Variants in GAS2L3 observed in about 807,000 individuals in gnomAD.
The protein encoded by GAS2L3 is GAS2-like protein 3.
GAS2L3 carries 28 observed loss-of-function variants against 37.0 expected under a neutral mutation model. The observed-to-expected ratio is 0.76, with a 90% CI of 0.56 to 1.04. GAS2L3 has a LOEUF of 1.04. GAS2L3 is among the 50% of genes least tolerant of loss of function. The probability of loss-of-function intolerance (pLI) is 0.00; values close to 1 mark genes in which losing one functional copy is unlikely to be tolerated. For synonymous variants in GAS2L3, 290 were observed against 296.6 expected (o/e 0.98, Z 0.23); for missense variants, 793 against 817.6 (o/e 0.97, Z 0.37).
intron 8 of GAS2L3, 86 bp from the exon 9 acceptor site, chr12:100,622,189 G>C: frequency 1.5e-6 from 1 of 652,656 alleles, no homozygotes; most frequent in Non-Finnish European, 2.6e-6. Flanking sequence ...TTTGAGTTTG[G>C]TTTTCCTTAG....
At chr12:100,589,528 C>A (rs560506755) in intron 1 of GAS2L3, among the ~76,000 whole-genome samples, 6 of 152,164 alleles carry the variant, frequency 3.9e-5, no homozygotes, top group Admixed American at 6.5e-5. Context: ...AACACAATCC[C>A]CATCGAAATA....
intron 3 of GAS2L3, among the ~76,000 whole-genome samples, chr12:100,597,708 T>C (rs574943207): frequency 6.6e-6 from 1 of 152,064 alleles, no homozygotes; most frequent in African/African-American, 2.4e-5. Context: ...TGCCTTGGGG[T>C]TAAAAACAAA....
intron 1 of GAS2L3, chr12:100,578,962 T>C: frequency 1.1e-6 from 1 of 900,992 alleles, no homozygotes; most frequent in Non-Finnish European, 1.8e-6. Context: ...TCATCCATGC[T>C]TATGGAAATC....
chr12:100,599,665 T>G (rs1955959759), intron 3 of GAS2L3, among the ~76,000 whole-genome samples: 1 of 108,852 alleles, frequency 9.2e-6, no homozygotes, highest in Non-Finnish European at 2.0e-5. Flanking sequence ...CATTCATTTA[T>G]TCATTCATTC....
At chr12:100,619,657 GTCAATA>G (rs1298011467) in intron 8 of GAS2L3, among the ~76,000 whole-genome samples, 4 of 151,746 alleles carry the variant, frequency 2.6e-5, no homozygotes, top group Admixed American at 2.0e-4. Flanking sequence ...TATAATGATT[GTCAATA>G]TCAATATGGG....
At chr12:100,614,518 T>C (rs773818883) in intron 6 of GAS2L3, among the ~76,000 whole-genome samples, 3 of 152,200 alleles carry the variant, frequency 2.0e-5, no homozygotes, top group Non-Finnish European at 4.4e-5. Context: ...TAGGTTTCTT[T>C]TGTAGTAGCA....
chr12:100,576,491 G>C (rs892639882), intron 1 of GAS2L3, among the ~76,000 whole-genome samples: 1 of 152,130 alleles, frequency 6.6e-6, no homozygotes, highest in African/African-American at 2.4e-5. Context: ...AATGGACATA[G>C]AATGATATTA....
chr12:100,617,689 A>ATATGTTTTTAC (rs2136558700), intron 6 of GAS2L3, 55 bp from the exon 7 acceptor site: 1 of 1,048,702 alleles, frequency 9.5e-7, no homozygotes, highest in South Asian at 1.3e-5. Context: ...CATGCCAGAA[A>ATATGTTTTTAC]TATGTTTCCA....
At chr12:100,582,387 T>G (rs1246268433) in intron 1 of GAS2L3, among the ~76,000 whole-genome samples, 1 of 152,230 alleles carries the variant, frequency 6.6e-6, no homozygotes, top group East Asian at 1.9e-4. Flanking sequence ...GTTCTTCAGT[T>G]GCTTCAGGCC....
intron 8 of GAS2L3, among the ~76,000 whole-genome samples, chr12:100,621,601 A>G (rs1956252231): frequency 6.6e-6 from 1 of 152,002 alleles, no homozygotes; most frequent in Admixed American, 6.6e-5. Context: ...GAATAGATGT[A>G]AATATGTTTC....
rs878963627 is a variant in GAS2L3, at chr12:100,579,786, G to C, written c.-152+6001G>C. The C allele has an allele frequency of 1.5e-5, 11 of 717,886 alleles. No individual in the cohort carries two copies. In the South Asian group the frequency reaches 1.8e-4, roughly 11 times the overall value. 44.5% of individuals were successfully genotyped at this position (717,886 alleles called of 1,614,324 possible). ...TCCGGAAAATCTTACTATTTTATGA[G>C]AAACTTCAGTAAAATCTTTGTGTGA... On this transcript the variant is annotated intron_variant, in intron 1 of 9. Transcript: ENST00000547754.
intron 7 of GAS2L3, among the ~76,000 whole-genome samples, chr12:100,618,122 G>A (rs989855142): frequency 1.3e-5 from 2 of 152,102 alleles, no homozygotes; most frequent in African/African-American, 4.8e-5. Flanking sequence ...AACACAGAGA[G>A]GATCTGGCAG....
chr12:100,608,743 C>T (rs1175272131), intron 5 of GAS2L3, among the ~76,000 whole-genome samples: 1 of 152,028 alleles, frequency 6.6e-6, no homozygotes, highest in African/African-American at 2.4e-5. Context: ...GATCTCCTGA[C>T]CTCGTGATCC....
At chr12:100,580,540 T>A (rs548917777) in intron 1 of GAS2L3, among the ~76,000 whole-genome samples, 1 of 152,184 alleles carries the variant, frequency 6.6e-6, no homozygotes, top group African/African-American at 2.4e-5. Context: ...TTCTGGGCAT[T>A]TTTTTGGCCA....
At chr12:100,579,865 A>T in intron 1 of GAS2L3, 3 of 747,360 alleles carry the variant, frequency 4.0e-6, no homozygotes, top group Non-Finnish European at 7.4e-6. Context: ...CTGGCTCCAG[A>T]AAATATCCGT....
intron 1 of GAS2L3, among the ~76,000 whole-genome samples, chr12:100,590,610 C>T (rs1306806299): frequency 6.6e-6 from 1 of 152,152 alleles, no homozygotes; most frequent in African/African-American, 2.4e-5. Context: ...AAGATACTTG[C>T]ACATGCATGT....
intron 5 of GAS2L3, among the ~76,000 whole-genome samples, chr12:100,608,953 A>G (rs933538709): frequency 6.6e-6 from 1 of 152,196 alleles, no homozygotes; most frequent in African/African-American, 2.4e-5. Flanking sequence ...TACTACCACC[A>G]CTGGCCCATG....
chr12:100,579,318 C>T (rs1268734789), intron 1 of GAS2L3: 8 of 655,120 alleles, frequency 1.2e-5, no homozygotes, highest in Non-Finnish European at 2.0e-5. Context: ...AAGGAAAATA[C>T]CGTACTACGA....
At chr12:100,607,735 T>C (rs1956074475) in intron 5 of GAS2L3, among the ~76,000 whole-genome samples, 1 of 152,068 alleles carries the variant, frequency 6.6e-6, no homozygotes, top group African/African-American at 2.4e-5. Flanking sequence ...AGTATGTCAA[T>C]TGCATTTCTC....
Sources: allele counts gnomAD v4.1 joint callset (sites outside exome capture counted in the v4.1 genomes callset), GRCh38; gene constraint gnomAD v4.1.1; transcripts MANE v1.5; gene names NCBI Gene and HGNC (gene_info 2026-07-23, HGNC 2026-07-21).